Variants in RERE observed in about 807,000 individuals in gnomAD.
RERE encodes arginine-glutamic acid dipeptide repeats protein.
In RERE, 40 loss-of-function variants were observed where a neutral mutation model predicts 146.1. The ratio of observed to expected loss-of-function variants is 0.27; its 90% confidence interval spans 0.21 to 0.36. The LOEUF is 0.36. RERE is among the 10% of genes least tolerant of loss of function. RERE has a pLI of 1.00. For missense variants in RERE, 1,933 were observed against 2,138.7 expected (o/e 0.90, Z 1.90); for synonymous variants, 1,003 against 866.0 (o/e 1.16, Z -2.78).
Position 8,364,922 on chromosome 1 carries a change from G to A in RERE, c.1448-84C>T, listed in dbSNP as rs1641741926. On this transcript the variant is annotated intron_variant, in intron 13 of 22. Coordinates refer to ENST00000400908, the MANE Select transcript of RERE (RefSeq NM_001042681.2). The surrounding 1 kb of genome is among the most constrained non-coding windows in gnomAD (Gnocchi z 5.1). ...TGGGCCGGTGGGGTGGGGGGGAGGG[G>A]GGAACACCTGTGACCTCTGGCCTAC... 3.6e-6 allele frequency: 2 copies of A among 557,730 alleles called. No homozygotes were observed. The highest frequency in any genetic ancestry group is 2.3e-5 in the Admixed American group (1 of 44,158). The allele number at this position is 557,730 out of a possible 1,614,324, so 34.5% of individuals were successfully genotyped here.
intron 12 of RERE, among the ~76,000 whole-genome samples, chr1:8,372,948 A>G (rs1642097827): frequency 6.6e-6 from 1 of 152,150 alleles, no homozygotes; most frequent in Non-Finnish European, 1.5e-5. Context: ...GAGAAGGGGG[A>G]TGAGGAGGCA....
At chr1:8,507,211 G>A (rs897928749) in intron 8 of RERE, among the ~76,000 whole-genome samples, 1 of 152,228 alleles carries the variant, frequency 6.6e-6, no homozygotes, top group Non-Finnish European at 1.5e-5. Context: ...AGGAGGTCAA[G>A]GCTGCCGTGA....
intron 1 of RERE, among the ~76,000 whole-genome samples, chr1:8,698,069 T>G (rs1393248681): frequency 6.6e-6 from 1 of 152,240 alleles, no homozygotes; most frequent in Non-Finnish European, 1.5e-5. Context: ...GGCTATTCCT[T>G]AGGCAGAGTA....
At chr1:8,723,454 A>C (rs1162327950) in intron 1 of RERE, among the ~76,000 whole-genome samples, 1 of 152,212 alleles carries the variant, frequency 6.6e-6, no homozygotes, top group Non-Finnish European at 1.5e-5. Context: ...TTTAAACACT[A>C]ATCATTGTTT....
chr1:8,509,644 C>A (rs1645306825), intron 7 of RERE, among the ~76,000 whole-genome samples: 1 of 152,050 alleles, frequency 6.6e-6, no homozygotes, highest in African/African-American at 2.4e-5. Flanking sequence ...GCCATCTCTA[C>A]AAGAAAATTA....
At chr1:8,774,142 A>G (rs1641010641) in intron 1 of RERE, among the ~76,000 whole-genome samples, 2 of 152,110 alleles carry the variant, frequency 1.3e-5, no homozygotes. Flanking sequence ...AAAGCCATTC[A>G]TTCGAGGCAT....
At chr1:8,480,458 C>T (rs1321873358) in intron 10 of RERE, among the ~76,000 whole-genome samples, 20 of 134,966 alleles carry the variant, frequency 1.5e-4, no homozygotes, top group Non-Finnish European at 1.7e-4. Flanking sequence ...TTTTTTTAGA[C>T]GAAGGCTTGC....
Position 8,358,067 on chromosome 1 carries a change from T to C in RERE, c.4339+129A>G, listed in dbSNP as rs796274741. 8 of 1,463,644 alleles carry C rather than the reference T, an allele frequency of 5.5e-6. 1 individual carries two copies. In the African/African-American group the frequency reaches 1.1e-4, roughly 21 times the overall value. The allele number at this position is 1,463,644 out of a possible 1,614,324, so 90.7% of individuals were successfully genotyped here. ...GACGGTAGTGGATGCTGAGCTCTTC[T>C]AAGATCTGCCAGGGATGAGGGATCT... On this transcript the variant is annotated intron_variant, in intron 20 of 22. Coordinates refer to ENST00000400908, the MANE Select transcript of RERE (RefSeq NM_001042681.2).
chr1:8,599,443 CA>C (rs765209884), intron 4 of RERE, among the ~76,000 whole-genome samples: 28 of 152,064 alleles, frequency 1.8e-4, no homozygotes, highest in Non-Finnish European at 4.0e-4. Context: ...AACTGTTAAA[CA>C]CAGAGAATAT....
At chr1:8,799,528 ATTT>A (rs1641546311) in intron 1 of RERE, 1 of 162,332 alleles carries the variant, frequency 6.2e-6, no homozygotes, top group Non-Finnish European at 1.4e-5. Context: ...AGGTTATTAA[ATTT>A]TTTAATTAAT....
rs1641165963 is a variant in RERE at position 8,353,300 on chromosome 1, G to A, written c.*1787C>T. 6.6e-6 allele frequency: 1 copy of A among 152,362 alleles called. No individual in the cohort carries two copies. The highest frequency in any genetic ancestry group is 2.1e-4 in the South Asian group (1 of 4,836). 9.4% of individuals were successfully genotyped at this position (152,362 alleles called of 1,614,324 possible). A position where few individuals can be genotyped will look rare whatever the true frequency, so the allele number is the denominator to read the frequency against. The stretch of plus-strand genomic sequence containing the variant: ...AACTGAAACCAAACACGGTTTTTAA[G>A]AGAAACTGGAAATGTCGCTATTTGA... On this transcript the variant is annotated 3_prime_UTR_variant, in exon 23 of 23. Transcript: ENST00000400908.
At chr1:8,815,706 C>T (rs1279041594) in intron 1 of RERE, among the ~76,000 whole-genome samples, 1 of 152,154 alleles carries the variant, frequency 6.6e-6, no homozygotes, top group African/African-American at 2.4e-5. Context: ...AGCACCCTCC[C>T]TTCCCCCATC....
chr1:8,376,295 C>T (rs1642251088), intron 12 of RERE, among the ~76,000 whole-genome samples: 1 of 152,096 alleles, frequency 6.6e-6, no homozygotes, highest in Non-Finnish European at 1.5e-5. Flanking sequence ...ACAAAATATC[C>T]CTGTGCCTCC....
At chr1:8,708,694 TAGA>T (rs1639604863) in intron 1 of RERE, among the ~76,000 whole-genome samples, 2 of 152,092 alleles carry the variant, frequency 1.3e-5, no homozygotes, top group African/African-American at 4.8e-5. Context: ...CTGTCATCCA[TAGA>T]AGATGTGACT....
intron 19 of RERE, among the ~76,000 whole-genome samples, chr1:8,359,524 TAGG>T (rs1253618977): frequency 6.6e-5 from 10 of 152,168 alleles, no homozygotes; most frequent in African/African-American, 2.4e-4. Flanking sequence ...GGCCCTCCGG[TAGG>T]AGGACGCACA....
At chr1:8,574,904 GAATA>G (rs1646271641) in intron 4 of RERE, among the ~76,000 whole-genome samples, 1 of 152,118 alleles carries the variant, frequency 6.6e-6, no homozygotes. Flanking sequence ...GTTCTTTCAT[GAATA>G]TATATTAGAC....
chr1:8,560,418 T>A (rs954513041), intron 4 of RERE, among the ~76,000 whole-genome samples: 3 of 152,206 alleles, frequency 2.0e-5, no homozygotes, highest in African/African-American at 7.2e-5. Context: ...TTTTGTTTTT[T>A]AAGGAAAACA....
At position 8,360,525 on chromosome 1, in the gene RERE, G is replaced by T; in HGVS notation, c.2982C>A (p.Ser994Arg). 1 of 1,172,732 alleles carries T rather than the reference G, an allele frequency of 8.5e-7. No homozygotes were observed. The highest frequency in any genetic ancestry group is 1.1e-6 in the Non-Finnish European group (1 of 906,228). The allele number at this position is 1,172,732 out of a possible 1,614,324, so 72.6% of individuals were successfully genotyped here. ...GGGCGGGCGAGGAGGGCAATGGCTG[G>T]CTCTGAGGCATGAGTTGCAGGGGTG... The part of the protein sequence containing the change: ...HPPPLQLMPQ[S>R]QPLPSSPAQP... The change falls in exon 18 of 23, where the codon AGC becomes AGA. Residue 994 changes from serine (S) to arginine (R), a missense_variant. Ser to Arg is a moderately radical substitution (Grantham distance 110). This residue lies in a region of RERE where 1,255 missense variants were observed against 1,153.8 expected (regional missense o/e 1.09). Transcript: ENST00000400908.
chr1:8,405,280 A>G (rs1643406301), intron 12 of RERE, among the ~76,000 whole-genome samples: 4 of 152,218 alleles, frequency 2.6e-5, no homozygotes, highest in Non-Finnish European at 4.4e-5. Flanking sequence ...TCTTAAGGAA[A>G]TAACTGCCCC....
Sources: gnomAD v4.1 joint callset for allele counts (sites outside exome capture counted in the v4.1 genomes callset) on GRCh38, gnomAD v4.1.1 for gene constraint, gnomAD v4.1.1 regional missense constraint, Gnocchi (gnomAD v3.1) non-coding constraint, MANE v1.5 for transcripts, NCBI Gene and HGNC (gene_info 2026-07-23, HGNC 2026-07-21) for gene names.